Variants in RAPGEF5 observed in about 807,000 individuals in gnomAD.
RAPGEF5 encodes the protein Rap guanine nucleotide exchange factor 5, also known as M-Ras-regulated GEF.
A neutral mutation model predicts 125.2 loss-of-function variants in RAPGEF5; 65 were observed. The observed-to-expected ratio is 0.52, with a 90% CI of 0.43 to 0.64. RAPGEF5 has a LOEUF of 0.64. RAPGEF5 is among the 30% of genes least tolerant of loss of function. The pLI, the probability that RAPGEF5 is intolerant of heterozygous loss-of-function variation, is 0.00. For synonymous variants in RAPGEF5, 391 were observed against 385.9 expected (o/e 1.01, Z -0.16); for missense variants, 958 against 1,048.1 (o/e 0.91, Z 1.19).
chr7:22,190,362 G>A (rs1331876787), intron 11 of RAPGEF5, among the ~76,000 whole-genome samples: 1 of 152,188 alleles, frequency 6.6e-6, no homozygotes, highest in Non-Finnish European at 1.5e-5. Flanking sequence ...CTACAAAGGA[G>A]GAAAGATACG....
intron 1 of RAPGEF5, among the ~76,000 whole-genome samples, chr7:22,332,275 G>A (rs1200026438): frequency 1.3e-5 from 2 of 152,148 alleles, no homozygotes; most frequent in Admixed American, 1.3e-4. Context: ...GTGCCTCCAC[G>A]CCCTGGGGAG....
At chr7:22,241,112 G>C (rs1242511026) in intron 7 of RAPGEF5, among the ~76,000 whole-genome samples, 1 of 152,092 alleles carries the variant, frequency 6.6e-6, no homozygotes, top group Non-Finnish European at 1.5e-5. Context: ...GCTGCCATGG[G>C]GATTGTAAAC....
chr7:22,221,965 G>T (rs955809345), intron 8 of RAPGEF5, among the ~76,000 whole-genome samples: 1 of 152,100 alleles, frequency 6.6e-6, no homozygotes, highest in Non-Finnish European at 1.5e-5. Flanking sequence ...ACAAAGTTCT[G>T]GCCGGGTGCA....
chr7:22,233,629 C>T (rs1165145614), intron 7 of RAPGEF5, among the ~76,000 whole-genome samples: 1 of 152,224 alleles, frequency 6.6e-6, no homozygotes, highest in Non-Finnish European at 1.5e-5. Context: ...ACTTCTTGGG[C>T]TCAAGCAATC....
At chr7:22,308,815 A>G (rs1324864211) in intron 4 of RAPGEF5, among the ~76,000 whole-genome samples, 1 of 152,164 alleles carries the variant, frequency 6.6e-6, no homozygotes. Context: ...TTTTTTAGTG[A>G]CCCAAAGCAA....
chr7:22,350,508 T>C (rs1245450359), intron 1 of RAPGEF5, among the ~76,000 whole-genome samples: 1 of 152,208 alleles, frequency 6.6e-6, no homozygotes, highest in African/African-American at 2.4e-5. Context: ...CTTTATATTC[T>C]ATTCATGGAA....
chr7:22,214,721 G>A (rs1295247312), intron 9 of RAPGEF5, among the ~76,000 whole-genome samples: 1 of 117,634 alleles, frequency 8.5e-6, no homozygotes, highest in Non-Finnish European at 1.7e-5. Context: ...TATTCTTTCT[G>A]TCTCTGTCCT....
At chr7:22,276,778 T>C (rs905222522) in intron 6 of RAPGEF5, among the ~76,000 whole-genome samples, 2 of 152,186 alleles carry the variant, frequency 1.3e-5, no homozygotes, top group Non-Finnish European at 2.9e-5. Flanking sequence ...CTCTACCTCA[T>C]AGGATTGTTG....
At chr7:22,204,909 A>T (rs922470883) in intron 9 of RAPGEF5, among the ~76,000 whole-genome samples, 3 of 152,210 alleles carry the variant, frequency 2.0e-5, no homozygotes, top group African/African-American at 7.2e-5. Context: ...GAAGGTTAAA[A>T]TAAGACAAAG....
chr7:22,297,324 A>G (rs936164633), intron 5 of RAPGEF5, among the ~76,000 whole-genome samples: 10 of 152,246 alleles, frequency 6.6e-5, no homozygotes, highest in African/African-American at 2.4e-4. Flanking sequence ...ATCAGGAGCA[A>G]AGATAGAGTC....
At chr7:22,187,794 A>G (rs920679160) in intron 11 of RAPGEF5, among the ~76,000 whole-genome samples, 29 of 152,222 alleles carry the variant, frequency 1.9e-4, no homozygotes, top group African/African-American at 6.8e-4. Flanking sequence ...AACTCTCTGT[A>G]TATCTATAAC....
intron 7 of RAPGEF5, among the ~76,000 whole-genome samples, chr7:22,264,987 A>C (rs1002605437): frequency 6.6e-6 from 1 of 152,070 alleles, no homozygotes; most frequent in Admixed American, 6.5e-5. Context: ...TTTTAGAGTT[A>C]CTTTTTTGAT....
At chr7:22,125,984 C>A (rs770924159) in intron 24 of RAPGEF5, among the ~76,000 whole-genome samples, 4 of 152,044 alleles carry the variant, frequency 2.6e-5, no homozygotes, top group Middle Eastern at 3.2e-3. Flanking sequence ...CCCATCTCTA[C>A]TAAAAATACA....
intron 1 of RAPGEF5, among the ~76,000 whole-genome samples, chr7:22,354,886 T>A (rs2128390437): frequency 6.6e-6 from 1 of 152,356 alleles, no homozygotes; most frequent in Middle Eastern, 3.4e-3. Flanking sequence ...CCACCCAGTC[T>A]ACGGTATTTT....
At chr7:22,165,352 T>C (rs1230364073) in intron 12 of RAPGEF5, among the ~76,000 whole-genome samples, 1 of 152,320 alleles carries the variant, frequency 6.6e-6, no homozygotes, top group East Asian at 1.9e-4. Context: ...GTTATAAGTA[T>C]ATTTTATATT....
intron 11 of RAPGEF5, among the ~76,000 whole-genome samples, chr7:22,168,757 T>C (rs574655722): frequency 6.6e-6 from 1 of 152,336 alleles, no homozygotes; most frequent in Non-Finnish European, 1.5e-5. Context: ...TATTTCTGCT[T>C]GGTTGCAGAA....
At chr7:22,324,787 C>G (rs1267552752) in intron 1 of RAPGEF5, among the ~76,000 whole-genome samples, 1 of 152,180 alleles carries the variant, frequency 6.6e-6, no homozygotes, top group Non-Finnish European at 1.5e-5. Flanking sequence ...TCTCTGGCAT[C>G]TTCGCACGAA....
intron 20 of RAPGEF5, among the ~76,000 whole-genome samples, chr7:22,142,894 T>C (rs902378844): frequency 2.6e-5 from 4 of 152,246 alleles, no homozygotes; most frequent in Admixed American, 6.5e-5. Flanking sequence ...CCTACTAGCA[T>C]GATTACAGGG....
chr7:22,193,588 C>G (rs1186991991), intron 10 of RAPGEF5, 133 bp from the exon 11 acceptor site: 4 of 1,551,240 alleles, frequency 2.6e-6, no homozygotes, highest in Non-Finnish European at 3.5e-6. Flanking sequence ...GGGCAGCTCT[C>G]GGTCTGAGAG....
Sources: allele counts gnomAD v4.1 joint callset (sites outside exome capture counted in the v4.1 genomes callset), GRCh38; gene constraint gnomAD v4.1.1; transcripts MANE v1.5; gene names NCBI Gene and HGNC (gene_info 2026-07-23, HGNC 2026-07-21).